DNTTIP1: variants seen among roughly 807,000 people sequenced by gnomAD.
The protein encoded by DNTTIP1 is deoxynucleotidyltransferase terminal interacting protein 1.
Under a neutral mutation model 52.9 loss-of-function variants are expected in DNTTIP1, and 22 were observed. That is an observed-to-expected ratio of 0.42 (90% confidence interval 0.30 to 0.59). The LOEUF is 0.59. Among genes scored for constraint, DNTTIP1 ranks in the 20% least tolerant of loss-of-function variants. DNTTIP1 has a pLI of 0.22. For missense variants in DNTTIP1, 286 were observed against 435.5 expected (o/e 0.66, Z 3.06); for synonymous variants, 136 against 155.1 (o/e 0.88, Z 0.92).
At chr20:45,810,793 A>C in intron 11 of DNTTIP1, 92 bp from the exon 12 acceptor site, 1 of 1,182,008 alleles carries the variant, frequency 8.5e-7, no homozygotes, top group East Asian at 2.4e-5. Context: ...ACCTAGTAGC[A>C]GGCCTTACAT....
chr20:45,804,510 A>T (rs895662278), intron 8 of DNTTIP1, among the ~76,000 whole-genome samples: 1 of 151,968 alleles, frequency 6.6e-6, no homozygotes, highest in Non-Finnish European at 1.5e-5. Context: ...TCTGACTCTC[A>T]CTCCCTGTTT....
At chr20:45,794,390 G>T (rs1981157323) in intron 3 of DNTTIP1, among the ~76,000 whole-genome samples, 5 of 151,912 alleles carry the variant, frequency 3.3e-5, no homozygotes, top group Admixed American at 2.0e-4. Flanking sequence ...CAAATGATTT[G>T]CCTGCCTTGG....
chr20:45,805,091 G>C lies in DNTTIP1; in HGVS notation c.604-55G>C, dbSNP rs376281944. The C allele has an allele frequency of 1.6e-5, 23 of 1,465,502 alleles. No homozygotes were observed. In the African/African-American group the frequency reaches 2.4e-4, roughly 15 times the overall value. The allele number at this position is 1,465,502 out of a possible 1,614,324, so 90.8% of individuals were successfully genotyped here. A position where few individuals can be genotyped will look rare whatever the true frequency, so the allele number is the denominator to read the frequency against. Reference sequence around the variant, plus strand: ...AAAGGGTAGGGGGAGGAGTGTTTCTGTCCTACCCATCAGATTAAACTTCAC... The same window carrying C: ...AAAGGGTAGGGGGAGGAGTGTTTCTCTCCTACCCATCAGATTAAACTTCAC... On this transcript the variant is annotated intron_variant, in intron 8 of 12. Coordinates refer to ENST00000372622, the MANE Select transcript of DNTTIP1 (RefSeq NM_052951.3).
intron 7 of DNTTIP1, among the ~76,000 whole-genome samples, chr20:45,802,478 T>A (rs1981507087): frequency 6.6e-6 from 1 of 152,172 alleles, no homozygotes; most frequent in South Asian, 2.1e-4. Flanking sequence ...AAATATATAT[T>A]TTTTTAAGAC....
At chr20:45,802,485 A>G (rs931924037) in intron 7 of DNTTIP1, among the ~76,000 whole-genome samples, 1 of 152,108 alleles carries the variant, frequency 6.6e-6, no homozygotes, top group African/African-American at 2.4e-5. Context: ...TATTTTTTTA[A>G]GACTTAATTT....
At position 45,809,316 on chromosome 20, in the gene DNTTIP1, T is replaced by C. The variant is rs934796116; in HGVS notation, c.795+131T>C. On this transcript the variant is annotated intron_variant, in intron 11 of 12. Coordinates refer to ENST00000372622, the MANE Select transcript of DNTTIP1 (RefSeq NM_052951.3). The surrounding 1 kb of genome is among the most constrained non-coding windows in gnomAD (Gnocchi z 4.2). The stretch of plus-strand genomic sequence containing the variant: ...ACCAATGTGTGAGAAGAGAGACTTA[T>C]AAGGCCTATTTCTTCATGCTGAAGA... 2 of 752,126 alleles carry C rather than the reference T, an allele frequency of 2.7e-6. No individual in the cohort carries two copies. Among genetic ancestry groups the C allele is most frequent in the Non-Finnish European group, 2.3e-6 (1 of 440,774 alleles). The allele number at this position is 752,126 out of a possible 1,614,324, so 46.6% of individuals were successfully genotyped here. A position where few individuals can be genotyped will look rare whatever the true frequency, so the allele number is the denominator to read the frequency against.
intron 10 of DNTTIP1, among the ~76,000 whole-genome samples, chr20:45,807,400 C>T (rs1358095030): frequency 6.6e-6 from 1 of 152,116 alleles, no homozygotes; most frequent in Non-Finnish European, 1.5e-5. Context: ...GAATTATAGA[C>T]TTGAGCCACT....
rs1981426678 is a variant in DNTTIP1, at chr20:45,800,697, ATATATATATATATATAT to A, written c.373-376_373-360del. On this transcript the variant is annotated intron_variant, in intron 4 of 12. Transcript: ENST00000372622. Reference sequence around the variant, plus strand: ...CTCAATTTAAAAAAAAAAAAAAAATATATATATATATATATATATATATATATATATATATATATATA... The same window carrying A: ...CTCAATTTAAAAAAAAAAAAAAAATAATATATATATATATATATATATATA... 3.4e-3 allele frequency among the ~76,000 whole-genome samples: 20 copies of A among 5,844 alleles called. 1 individual carries two copies. The highest frequency in any genetic ancestry group is 6.1e-3 in the Admixed American group (2 of 326). 3.8% of individuals were successfully genotyped at this position (5,844 alleles called of 152,430 possible). A position where few individuals can be genotyped will look rare whatever the true frequency, so the allele number is the denominator to read the frequency against.
chr20:45,805,402 T>C (rs1981601511), intron 10 of DNTTIP1, 36 bp downstream of exon 10: 1 of 1,607,380 alleles, frequency 6.2e-7, no homozygotes, highest in Non-Finnish European at 8.5e-7. Context: ...GGCCATTGCA[T>C]TGGGAGTAGA....
At chr20:45,799,845 C>T (rs1439086153) in intron 4 of DNTTIP1, among the ~76,000 whole-genome samples, 1 of 141,466 alleles carries the variant, frequency 7.1e-6, no homozygotes. Flanking sequence ...CACTGGCTCA[C>T]GCCTGTAATC....
Position 45,801,162 on chromosome 20 carries a change from C to T in DNTTIP1, c.441+20C>T, listed in dbSNP as rs752142435. On this transcript the variant is annotated intron_variant, in intron 5 of 12. Transcript: ENST00000372622. ...ATAAAGGTCAGAGTCACTGTGTTCT[C>T]GGGTATTGGAGCGGGAGGTCCTTCA... is the stretch of plus-strand genomic sequence containing the variant. The T allele has an allele frequency of 3.7e-6, 6 of 1,612,268 alleles. No homozygotes were observed. The highest frequency in any genetic ancestry group is 1.7e-5 in the Admixed American group (1 of 60,012).
At chr20:45,800,309 A>T (rs1204950763) in intron 4 of DNTTIP1, among the ~76,000 whole-genome samples, 1 of 152,040 alleles carries the variant, frequency 6.6e-6, no homozygotes, top group Admixed American at 6.6e-5. Context: ...TACATTTTTT[A>T]ATTTTTCCAG....
intron 11 of DNTTIP1, 100 bp from the exon 12 acceptor site, chr20:45,810,785 C>A: frequency 9.0e-7 from 1 of 1,105,874 alleles, no homozygotes; most frequent in Non-Finnish European, 1.4e-6. Context: ...CCGCTTCCAC[C>A]TAGTAGCAGG....
intron 5 of DNTTIP1, 42 bp from the exon 6 acceptor site, chr20:45,801,360 C>T: frequency 6.2e-7 from 1 of 1,609,274 alleles, no homozygotes; most frequent in Non-Finnish European, 8.5e-7. Flanking sequence ...CTGCAGCTCC[C>T]AGGCACTGGC....
chr20:45,803,050 G>T (rs1297640869), intron 7 of DNTTIP1: 2 of 409,946 alleles, frequency 4.9e-6, no homozygotes, highest in East Asian at 8.8e-5. Context: ...CACAAGATAG[G>T]TAGGGCAGTT....
chr20:45,798,693 CCTT>C (rs1382825592), intron 4 of DNTTIP1, among the ~76,000 whole-genome samples: 12 of 152,094 alleles, frequency 7.9e-5, no homozygotes, highest in African/African-American at 2.9e-4. Context: ...AAAGCCGGCT[CCTT>C]CTTTTCTTCA....
At chr20:45,798,417 G>T (rs1488057666) in intron 4 of DNTTIP1, among the ~76,000 whole-genome samples, 1 of 151,746 alleles carries the variant, frequency 6.6e-6, no homozygotes, top group African/African-American at 2.4e-5. Context: ...CACCAACAAG[G>T]CACATGTATA....
intron 4 of DNTTIP1, among the ~76,000 whole-genome samples, chr20:45,798,150 C>T (rs1981303480): frequency 6.6e-6 from 1 of 152,056 alleles, no homozygotes; most frequent in African/African-American, 2.4e-5. Context: ...TACTATGCAG[C>T]CATAAAAAGT....
At chr20:45,795,510 G>A (rs1310472313) in intron 4 of DNTTIP1, 67 bp downstream of exon 4, 21 of 1,029,888 alleles carry the variant, frequency 2.0e-5, no homozygotes, top group East Asian at 2.7e-5. Context: ...TAAGAAATGC[G>A]ATCTTAAGCC....
Sources: allele counts gnomAD v4.1 joint callset (sites outside exome capture counted in the v4.1 genomes callset), GRCh38; gene constraint gnomAD v4.1.1; non-coding constraint Gnocchi (gnomAD v3.1); transcripts MANE v1.5; gene names NCBI Gene and HGNC (gene_info 2026-07-23, HGNC 2026-07-21).